ABCC12: variants seen among roughly 807,000 people sequenced by gnomAD.
ABCC12 encodes ATP binding cassette subfamily C member 12.
ABCC12 carries 142 observed loss-of-function variants against 151.1 expected under a neutral mutation model. The ratio of observed to expected loss-of-function variants is 0.94; its 90% CI spans 0.82 to 1.08. The LOEUF (loss-of-function observed/expected upper bound fraction) is 1.08, where lower values mean the gene tolerates loss of function less well. Ranked by LOEUF, ABCC12 falls within the 50% of genes least tolerant of loss-of-function variation. The pLI is 0.00. For synonymous variants in ABCC12, 645 were observed against 646.4 expected (o/e 1.00, Z 0.03); for missense variants, 1,638 against 1,691.1 (o/e 0.97, Z 0.55).
chr16:48,147,438 C>T (rs190863839), intron 2 of ABCC12, among the ~76,000 whole-genome samples: 86 of 152,260 alleles, frequency 5.6e-4, no homozygotes, highest in Admixed American at 3.1e-3. Flanking sequence ...TATATATAAA[C>T]GGGGTCACAT....
intron 1 of ABCC12, among the ~76,000 whole-genome samples, chr16:48,155,070 C>T (rs1471668999): frequency 6.6e-6 from 1 of 152,192 alleles, no homozygotes; most frequent in African/African-American, 2.4e-5. Context: ...CTGTGGCAGC[C>T]AGATCAGAAA....
intron 23 of ABCC12, 100 bp from the exon 24 acceptor site, chr16:48,097,002 A>G: frequency 2.1e-6 from 3 of 1,447,468 alleles, no homozygotes; most frequent in Non-Finnish European, 1.9e-6. Flanking sequence ...GGGTGACTGG[A>G]GAAATGAGGC....
At chr16:48,146,176 G>T in intron 3 of ABCC12, 130 bp downstream of exon 3, 2 of 785,522 alleles carry the variant, frequency 2.5e-6, no homozygotes, top group Non-Finnish European at 4.3e-6. Flanking sequence ...ATGAACGTGT[G>T]CATGGGTGGA....
chr16:48,118,072 C>T (rs1963949142), intron 13 of ABCC12, among the ~76,000 whole-genome samples: 1 of 152,138 alleles, frequency 6.6e-6, no homozygotes, highest in Non-Finnish European at 1.5e-5. Flanking sequence ...GAGGCCCTAG[C>T]CAGCTCTGCG....
chr16:48,129,409 G>C (rs1168336942), intron 10 of ABCC12, among the ~76,000 whole-genome samples: 1 of 152,216 alleles, frequency 6.6e-6, no homozygotes, highest in Admixed American at 6.5e-5. Flanking sequence ...AAAAGGGAAA[G>C]AGAATGACAG....
chr16:48,110,233 TC>T (rs1963638330), intron 18 of ABCC12, among the ~76,000 whole-genome samples: 1 of 152,216 alleles, frequency 6.6e-6, no homozygotes, highest in African/African-American at 2.4e-5. Context: ...AAGGCTCACT[TC>T]TTTCCCCCAC....
chr16:48,117,361 G>C, intron 13 of ABCC12, 28 bp from the exon 14 acceptor site: 1 of 1,610,432 alleles, frequency 6.2e-7, no homozygotes, highest in Non-Finnish European at 8.5e-7. Context: ...AGAAGTAGCT[G>C]GGTGAGAAAG....
intron 22 of ABCC12, among the ~76,000 whole-genome samples, chr16:48,102,378 T>A (rs1849927081): frequency 6.6e-6 from 1 of 152,244 alleles, no homozygotes; most frequent in African/African-American, 2.4e-5. Flanking sequence ...TTTGAGCCCC[T>A]ATGCTCAGGC....
At chr16:48,121,163 G>T (rs1964054204) in intron 13 of ABCC12, 1 of 152,006 alleles carries the variant, frequency 6.6e-6, no homozygotes, top group South Asian at 2.1e-4. Flanking sequence ...GTACCCCATA[G>T]ATAAATGTAA....
At chr16:48,140,243 T>TAAGGATTTTATTGCC (rs149437848) in intron 6 of ABCC12, among the ~76,000 whole-genome samples, 4,874 of 152,182 alleles carry the variant, frequency 0.032, 246 homozygotes, top group African/African-American at 0.11. Flanking sequence ...TGATAAGTGT[T>TAAGGATTTTATTGCC]AAGGATTAAG....
chr16:48,123,968 A>G (rs1251281285), intron 12 of ABCC12, among the ~76,000 whole-genome samples: 1 of 152,244 alleles, frequency 6.6e-6, no homozygotes, highest in African/African-American at 2.4e-5. Flanking sequence ...AGCTTTAGGC[A>G]AGGAGGCAAT....
intron 9 of ABCC12, among the ~76,000 whole-genome samples, chr16:48,132,229 G>A (rs1964451773): frequency 6.6e-6 from 1 of 152,232 alleles, no homozygotes; most frequent in Non-Finnish European, 1.5e-5. Flanking sequence ...CAGCCTTGGT[G>A]TATCCTTGCC....
intron 2 of ABCC12, among the ~76,000 whole-genome samples, chr16:48,151,543 T>C (rs1965117384): frequency 6.6e-6 from 1 of 152,224 alleles, no homozygotes; most frequent in Admixed American, 6.5e-5. Context: ...ACAACACATA[T>C]ACCATACTAA....
intron 10 of ABCC12, 70 bp from the exon 11 acceptor site, chr16:48,128,807 C>T: frequency 6.5e-7 from 1 of 1,527,366 alleles, no homozygotes; most frequent in Non-Finnish European, 8.8e-7. Flanking sequence ...AATGTATCTT[C>T]TAATGACCCC....
chr16:48,130,318 C>G (rs1964376924), intron 10 of ABCC12, among the ~76,000 whole-genome samples: 1 of 152,122 alleles, frequency 6.6e-6, no homozygotes, highest in African/African-American at 2.4e-5. Context: ...TTTGCATTTC[C>G]CATGTCTTAT....
At chr16:48,110,521 A>G (rs1355262900) in intron 18 of ABCC12, among the ~76,000 whole-genome samples, 1 of 152,144 alleles carries the variant, frequency 6.6e-6, no homozygotes, top group Non-Finnish European at 1.5e-5. Flanking sequence ...GGGGCAGAGT[A>G]GGTGCTCTAG....
intron 2 of ABCC12, among the ~76,000 whole-genome samples, chr16:48,151,887 G>A (rs1965121509): frequency 6.6e-6 from 1 of 152,210 alleles, no homozygotes; most frequent in East Asian, 1.9e-4. Context: ...GAAAGTAGAG[G>A]TCAATACGGT....
At position 48,115,595 on chromosome 16, in the gene ABCC12, G is replaced by A. The variant is rs770598854; in HGVS notation, c.1809C>T (p.Leu603=). Residue 603 remains leucine (L), a synonymous_variant, in exon 15 of 31, where the codon CTC becomes CTT. Coordinates refer to ENST00000311303, the MANE Select transcript of ABCC12 (RefSeq NM_001393797.1). ...TAATCCTCTGCCTCTGCCCCCCAGA[G>A]AGGTTGAGGCCCCGCTCCCCAATCT... is the stretch of plus-strand genomic sequence containing the variant. ...LTEIGERGLN[L]SGGQRQRISL... is the part of the protein sequence containing the mutation. 4 of 1,613,994 alleles carry A rather than the reference G, an allele frequency of 2.5e-6. No individual in the cohort carries two copies. Among genetic ancestry groups the A allele is most frequent in the Admixed American group, 1.7e-5 (1 of 60,010 alleles).
chr16:48,106,537 G>A (rs1447998683), intron 20 of ABCC12, among the ~76,000 whole-genome samples: 1 of 152,218 alleles, frequency 6.6e-6, no homozygotes, highest in African/African-American at 2.4e-5. Flanking sequence ...GTGAGTGAGG[G>A]GGGATCTGGG....
Sources: gnomAD v4.1 joint callset for allele counts (sites outside exome capture counted in the v4.1 genomes callset) on GRCh38, gnomAD v4.1.1 for gene constraint, MANE v1.5 for transcripts, NCBI Gene and HGNC (gene_info 2026-07-23, HGNC 2026-07-21) for gene names.